Variants in ZFPM2 observed in about 807,000 individuals in gnomAD.
ZFPM2 encodes zinc finger protein ZFPM2.
In ZFPM2, 20 loss-of-function variants were observed where a neutral mutation model predicts 98.6. The ratio of observed to expected loss-of-function variants is 0.20; its 90% CI spans 0.14 to 0.29. The LOEUF is 0.29. Among genes scored for constraint, ZFPM2 ranks in the 10% least tolerant of loss-of-function variants. The pLI, the probability that ZFPM2 is intolerant of heterozygous loss-of-function variation, is 1.00. For synonymous variants in ZFPM2, 518 were observed against 502.7 expected, an observed-to-expected ratio of 1.03 and a Z score of -0.41; for missense variants, 1,310 against 1,388.6, an observed-to-expected ratio of 0.94 and a Z score of 0.90.
intron 1 of ZFPM2, among the ~76,000 whole-genome samples, chr8:105,366,434 C>A (rs1810513107): frequency 6.6e-6 from 1 of 152,052 alleles, no homozygotes; most frequent in Non-Finnish European, 1.5e-5. Flanking sequence ...CAAAGAGATA[C>A]TGAATCTTTA....
intron 5 of ZFPM2, among the ~76,000 whole-genome samples, chr8:105,778,464 A>G (rs1253134545): frequency 2.0e-5 from 3 of 151,506 alleles, no homozygotes; most frequent in Non-Finnish European, 2.9e-5. Flanking sequence ...TACTCTGTGT[A>G]TGTCTGCATG....
At chr8:105,638,040 G>A (rs542674379) in intron 5 of ZFPM2, among the ~76,000 whole-genome samples, 2 of 151,868 alleles carry the variant, frequency 1.3e-5, no homozygotes, top group Non-Finnish European at 2.9e-5. Context: ...GTCAGGAACT[G>A]CTTGATTCAG....
chr8:105,750,321 A>C (rs1810639373), intron 5 of ZFPM2, among the ~76,000 whole-genome samples: 1 of 152,004 alleles, frequency 6.6e-6, no homozygotes, highest in Non-Finnish European at 1.5e-5. Context: ...GCTGCCTCCA[A>C]GGGTGTGGTC....
intron 5 of ZFPM2, among the ~76,000 whole-genome samples, chr8:105,647,044 C>T (rs1168137526): frequency 2.0e-5 from 3 of 152,188 alleles, no homozygotes; most frequent in African/African-American, 2.4e-5. Context: ...TTTAGCTCCA[C>T]TGCTCATCCT....
chr8:105,436,921 C>T (rs75318153), intron 2 of ZFPM2, among the ~76,000 whole-genome samples: 2,440 of 152,234 alleles, frequency 0.016, 56 homozygotes, highest in African/African-American at 0.056. Context: ...ATACCTTATT[C>T]ATCTTTATGA....
chr8:105,732,828 C>G (rs750255717), intron 5 of ZFPM2, among the ~76,000 whole-genome samples: 2 of 151,768 alleles, frequency 1.3e-5, no homozygotes, highest in Non-Finnish European at 2.9e-5. Context: ...AGAAAAAATT[C>G]ATCCTAGGAG....
chr8:105,638,126 T>C (rs1816884294), intron 5 of ZFPM2, among the ~76,000 whole-genome samples: 1 of 152,014 alleles, frequency 6.6e-6, no homozygotes, highest in Non-Finnish European at 1.5e-5. Context: ...CATTCTCAGA[T>C]AAGTAGTGGC....
chr8:105,450,696 ATG>A (rs1187918370), intron 3 of ZFPM2, among the ~76,000 whole-genome samples: 1 of 151,848 alleles, frequency 6.6e-6, no homozygotes, highest in South Asian at 2.1e-4. Context: ...GCAGAGAGGA[ATG>A]TGTGTGTATG....
intron 5 of ZFPM2, among the ~76,000 whole-genome samples, chr8:105,776,196 G>A (rs1471786257): frequency 6.6e-6 from 1 of 152,074 alleles, no homozygotes; most frequent in Non-Finnish European, 1.5e-5. Flanking sequence ...GAAGAGGGGA[G>A]TTTAGGGAAT....
intron 4 of ZFPM2, among the ~76,000 whole-genome samples, chr8:105,589,326 C>T (rs749237467): frequency 2.1e-4 from 32 of 152,180 alleles, no homozygotes; most frequent in African/African-American, 7.7e-4. Flanking sequence ...ATGCACATAA[C>T]AATACATTTC....
At chr8:105,390,355 A>G (rs1811082840) in intron 1 of ZFPM2, among the ~76,000 whole-genome samples, 2 of 152,078 alleles carry the variant, frequency 1.3e-5, no homozygotes, top group Admixed American at 1.3e-4. Context: ...AAAAAGCAGA[A>G]CCTCCTAATG....
chr8:105,660,710 G>A (rs568879559), intron 5 of ZFPM2, among the ~76,000 whole-genome samples: 1 of 152,150 alleles, frequency 6.6e-6, no homozygotes, highest in Non-Finnish European at 1.5e-5. Context: ...GTATCACCAT[G>A]CCCCCTAGCT....
intron 6 of ZFPM2, among the ~76,000 whole-genome samples, chr8:105,797,877 TA>T (rs774407018): frequency 6.6e-6 from 1 of 152,212 alleles, no homozygotes; most frequent in Non-Finnish European, 1.5e-5. Flanking sequence ...GAACAGTAAT[TA>T]GGCTGTAATG....
chr8:105,447,959 T>C (rs953169104), intron 3 of ZFPM2, among the ~76,000 whole-genome samples: 3 of 152,130 alleles, frequency 2.0e-5, no homozygotes, highest in Non-Finnish European at 2.9e-5. Context: ...GCTGTTATGA[T>C]TAAGTGGAAC....
chr8:105,602,410 A>G (rs191191552), intron 4 of ZFPM2, among the ~76,000 whole-genome samples: 121 of 152,248 alleles, frequency 7.9e-4, no homozygotes, highest in African/African-American at 2.8e-3. Context: ...TCCAGTTAAT[A>G]GAAATATTTA....
In ZFPM2 at chr8:105,380,726, A is replaced by ATATTATATAT. The variant is rs1810850402; in HGVS notation, c.41-38418_41-38417insTATTATATAT. On this transcript the variant is annotated intron_variant, in intron 1 of 7. Transcript: ENST00000407775. ...TATAATATATATATATATTATATAT[A>ATATTATATAT]ACATATATATTATATATATATGTTA... 2.5e-4 allele frequency among the ~76,000 whole-genome samples: 10 copies of ATATTATATAT among 40,624 alleles called. No individual in the cohort carries two copies. The Admixed American group carries it at 3.5e-3, about 14-fold the overall frequency. 26.7% of individuals were successfully genotyped at this position (40,624 alleles called of 152,430 possible).
chr8:105,763,212 C>T (rs1309513181), intron 5 of ZFPM2, among the ~76,000 whole-genome samples: 1 of 151,514 alleles, frequency 6.6e-6, no homozygotes, highest in Non-Finnish European at 1.5e-5. Flanking sequence ...TTTTGAAGCC[C>T]ATAACTATTT....
chr8:105,678,789 T>A (rs1810533015), intron 5 of ZFPM2: 1 of 152,232 alleles, frequency 6.6e-6, no homozygotes, highest in Non-Finnish European at 1.5e-5. Flanking sequence ...CTACAGTGGC[T>A]GTGAAATAAT....
At chr8:105,395,668 A>G (rs1250694618) in intron 1 of ZFPM2, among the ~76,000 whole-genome samples, 1 of 152,236 alleles carries the variant, frequency 6.6e-6, no homozygotes, top group Non-Finnish European at 1.5e-5. Flanking sequence ...TATTTCAAAC[A>G]TAATAAATTG....
Sources: allele counts gnomAD v4.1 joint callset (sites outside exome capture counted in the v4.1 genomes callset), GRCh38; gene constraint gnomAD v4.1.1; transcripts MANE v1.5; gene names NCBI Gene and HGNC (gene_info 2026-07-23, HGNC 2026-07-21).